Variants in NDRG4 observed in about 807,000 individuals in gnomAD.
The protein encoded by NDRG4 is protein NDRG4.
Under a neutral mutation model 55.8 loss-of-function variants are expected in NDRG4, and 38 were observed. The ratio of observed to expected loss-of-function variants is 0.68; its 90% CI spans 0.53 to 0.89. NDRG4 has a LOEUF of 0.89. Ranked by LOEUF, NDRG4 falls within the 40% of genes least tolerant of loss-of-function variation. The pLI is 0.00. For missense variants in NDRG4, 455 were observed against 468.6 expected (o/e 0.97, Z 0.27); for synonymous variants, 190 against 182.7 (o/e 1.04, Z -0.32).
chr16:58,487,857 T>G (rs552139218), intron 2 of NDRG4: 332 of 1,530,076 alleles, frequency 2.2e-4, no homozygotes, highest in Admixed American at 3.6e-4. Flanking sequence ...GCTGGTGAGT[T>G]GGAGTCGCGC....
At chr16:58,478,697 G>GTTTTTTTTTTTTTTTT (rs59525801) in intron 1 of NDRG4, among the ~76,000 whole-genome samples, 1 of 137,748 alleles carries the variant, frequency 7.3e-6, no homozygotes, top group Non-Finnish European at 1.5e-5. Flanking sequence ...TTTGTTTTTT[G>GTTTTTTTTTTTTTTTT]TTTTTTTTTT....
At chr16:58,493,726 A>C (rs1272472846) in intron 2 of NDRG4, among the ~76,000 whole-genome samples, 1 of 152,246 alleles carries the variant, frequency 6.6e-6, no homozygotes, top group African/African-American at 2.4e-5. Flanking sequence ...ACAGCCTCGC[A>C]GAGCGGGGCA....
At chr16:58,479,665 C>G (rs760088710) in intron 1 of NDRG4, among the ~76,000 whole-genome samples, 3 of 151,982 alleles carry the variant, frequency 2.0e-5, no homozygotes, top group Non-Finnish European at 2.9e-5. Flanking sequence ...TTCATTCGTT[C>G]ATTTACTTAC....
intron 2 of NDRG4, among the ~76,000 whole-genome samples, chr16:58,491,113 C>T (rs976036452): frequency 6.6e-6 from 1 of 151,868 alleles, no homozygotes; most frequent in African/African-American, 2.4e-5. Context: ...CCTGTCTCTA[C>T]TAAAAATACA....
chr16:58,502,269 G>T (rs1472898822), intron 1 of NDRG4: 1 of 336,534 alleles, frequency 3.0e-6, no homozygotes, highest in Non-Finnish European at 6.0e-6. Context: ...GATTTGATGG[G>T]CCCCGAGAAA....
At chr16:58,467,847 T>A (rs79672327) in intron 1 of NDRG4, among the ~76,000 whole-genome samples, 1 of 152,208 alleles carries the variant, frequency 6.6e-6, no homozygotes, top group African/African-American at 2.4e-5. Flanking sequence ...ATGACAGTCG[T>A]GGAGCTGGCG....
chr16:58,482,604 AT>A lies in NDRG4; in HGVS notation c.-23-5144del, dbSNP rs545809105. The stretch of plus-strand genomic sequence containing the variant: ...CACCCAAATTCTCCGATGTATTTTC[AT>A]TTTTTTTCTCCTCTTCTCTTCTCTT... On this transcript the variant is annotated intron_variant, in intron 1 of 15. Coordinates refer to the NDRG4 transcript ENST00000258187. Among the ~76,000 whole-genome samples the A allele has an allele frequency of 2.0e-3, 302 of 151,028 alleles. 6 individuals are homozygous for A. The highest frequency in any genetic ancestry group is 6.9e-3 in the African/African-American group (283 of 41,070).
At chr16:58,514,005 TAAAGAC>T (rs1340868552), downstream of NDRG4, among the ~76,000 whole-genome samples, 1 of 152,048 alleles carries the variant, frequency 6.6e-6, no homozygotes, top group Admixed American at 6.6e-5. Flanking sequence ...AAAAATGCCT[TAAAGAC>T]AAAACAAAAC....
At chr16:58,502,300 G>A (rs1291870052) in intron 1 of NDRG4, among the ~76,000 whole-genome samples, 2 of 152,156 alleles carry the variant, frequency 1.3e-5, no homozygotes, top group Non-Finnish European at 2.9e-5. Context: ...GGGATGGGAG[G>A]GGCTGTGTGG....
intron 1 of NDRG4, chr16:58,463,818 C>G (rs1185800442): frequency 6.6e-6 from 1 of 152,230 alleles, no homozygotes; most frequent in Non-Finnish European, 1.5e-5. Context: ...GGCGCCCTCG[C>G]CCCTGAGCCC....
rs1318118 is a variant in NDRG4, at chr16:58,509,656, C to A, written c.865+304C>A. Among the ~76,000 whole-genome samples the A allele has an allele frequency of 0.26, 39,872 of 152,072 alleles. 5,898 individuals are homozygous for A. The highest frequency in any genetic ancestry group is 0.58 in the East Asian group (3,004 of 5,152). On this transcript the variant is annotated intron_variant, in intron 13 of 14. Coordinates refer to ENST00000570248, the MANE Select transcript of NDRG4 (RefSeq NM_001242835.2). ...GGACTCTTCCTTCCGTGCTGGGGGT[C>A]CAGGGCCAGGGGCCGTGTCCTGCCA...
At chr16:58,465,654 T>A (rs571920199) in intron 1 of NDRG4, among the ~76,000 whole-genome samples, 1 of 152,180 alleles carries the variant, frequency 6.6e-6, no homozygotes, top group East Asian at 1.9e-4. Context: ...ATCCCAGCAC[T>A]TTGTGAGGCT....
chr16:58,512,108 C>T lies in NDRG4; in HGVS notation c.*532C>T, dbSNP rs1489503895. 6.6e-6 allele frequency: 3 copies of T among 456,612 alleles called. No homozygotes were observed. Among genetic ancestry groups the T allele is most frequent in the Non-Finnish European group, 8.8e-6 (2 of 226,976 alleles). 28.3% of individuals were successfully genotyped at this position (456,612 alleles called of 1,614,324 possible). A position where few individuals can be genotyped will look rare whatever the true frequency, so the allele number is the denominator to read the frequency against. On this transcript the variant is annotated 3_prime_UTR_variant, in exon 15 of 15. Transcript: ENST00000570248. Reference sequence around the variant, plus strand: ...GGCGCTCGGACCAGGCAGCCACTTTCCTGGTGCTCTCTGGGCCCAGCTGGT... The same window carrying T: ...GGCGCTCGGACCAGGCAGCCACTTTTCTGGTGCTCTCTGGGCCCAGCTGGT...
intron 1 of NDRG4, among the ~76,000 whole-genome samples, chr16:58,466,038 A>G (rs2031599579): frequency 6.6e-6 from 1 of 152,106 alleles, no homozygotes; most frequent in African/African-American, 2.4e-5. Context: ...TTGTTTTGAG[A>G]TGGAGTCCCA....
intron 8 of NDRG4, 38 bp from the exon 9 acceptor site, chr16:58,507,769 GT>G: frequency 6.2e-7 from 1 of 1,603,830 alleles, no homozygotes; most frequent in South Asian, 1.1e-5. Context: ...CTGTCCTGGG[GT>G]GCCCACCTCT....
chr16:58,471,186 CTTTTTT>C (rs528375397), intron 1 of NDRG4, among the ~76,000 whole-genome samples: 1 of 67,070 alleles, frequency 1.5e-5, no homozygotes, highest in African/African-American at 5.7e-5. Flanking sequence ...ATGTGTGTTG[CTTTTTT>C]TTTTTTTTTT....
In NDRG4 at chr16:58,464,093, T is replaced by G; in HGVS notation, c.-24+296T>G. The G allele has an allele frequency of 1.1e-5, 3 of 264,444 alleles. No individual in the cohort carries two copies. The highest frequency in any genetic ancestry group is 5.4e-5 in the Admixed American group (1 of 18,516). 16.4% of individuals were successfully genotyped at this position (264,444 alleles called of 1,614,324 possible). A position where few individuals can be genotyped will look rare whatever the true frequency, so the allele number is the denominator to read the frequency against. On this transcript the variant is annotated intron_variant, in intron 1 of 15. Coordinates refer to the NDRG4 transcript ENST00000258187. The surrounding 1 kb of genome is among the most constrained non-coding windows in gnomAD (Gnocchi z 4.8). ...CGACGCCCGGAGGCGGCGGGGTCTC[T>G]TTGTTCGGGCGGCGGGCACGGGGGA...
intron 1 of NDRG4, among the ~76,000 whole-genome samples, chr16:58,471,251 A>G (rs1395024943): frequency 1.6e-5 from 2 of 128,100 alleles, no homozygotes; most frequent in Non-Finnish European, 3.1e-5. Flanking sequence ...GCTGGAGGGC[A>G]GTGTGGCATG....
intron 1 of NDRG4, chr16:58,501,033 G>C (rs1356077537): frequency 1.6e-6 from 2 of 1,244,208 alleles, no homozygotes; most frequent in East Asian, 6.3e-5. Context: ...AGGGCTAGGG[G>C]ACCCCAGGTG....
Sources: allele counts gnomAD v4.1 joint callset (sites outside exome capture counted in the v4.1 genomes callset), GRCh38; gene constraint gnomAD v4.1.1; non-coding constraint Gnocchi (gnomAD v3.1); transcripts MANE v1.5; gene names NCBI Gene and HGNC (gene_info 2026-07-23, HGNC 2026-07-21).